PNCK: variants seen among roughly 807,000 people sequenced by gnomAD.
PNCK encodes pregnancy up-regulated nonubiquitous CaM kinase, also known as calcium/calmodulin-dependent protein kinase type 1B.
In PNCK, 21 loss-of-function variants were observed where a neutral mutation model predicts 28.3. That is an observed-to-expected ratio of 0.74 (90% CI 0.53 to 1.07). The LOEUF (loss-of-function observed/expected upper bound fraction) is 1.07, where lower values mean the gene tolerates loss of function less well. Among genes scored for constraint, PNCK ranks in the 50% least tolerant of loss-of-function variants. The pLI is 0.00. For missense variants in PNCK, 250 were observed against 298.3 expected (o/e 0.84, Z 1.19); for synonymous variants, 136 against 125.2 (o/e 1.09, Z -0.58).
At chrX:153,672,309 A>G in intron 3 of PNCK, 109 bp from the exon 4 acceptor site, 2 of 910,810 alleles carry the variant, frequency 2.2e-6, no homozygotes, top group Non-Finnish European at 3.0e-6. Context: ...TCTGCTCCCC[A>G]TTCCCTACCA....
chrX:153,680,435 T>C (rs1261264771), intron 1 of PNCK, among the ~76,000 whole-genome samples: 2 of 108,887 alleles, frequency 1.8e-5, no homozygotes, highest in African/African-American at 3.4e-5. Context: ...CCACCATGAA[T>C]GGAAGCTTCC....
At chrX:153,687,531 G>A (rs1373712950) in exon 1 of PNCK, 4 of 322,561 alleles carry the variant, frequency 1.2e-5, no homozygotes, top group Admixed American at 9.5e-5. Context: ...GGAGCACCGG[G>A]AGGAGACGGC....
Position 153,670,726 on chromosome X carries a change from G to T in PNCK, c.894+18C>A, listed in dbSNP as rs781917171. 8 of 1,188,485 alleles carry T rather than the reference G, an allele frequency of 6.7e-6. No homozygotes were observed. In the South Asian group the frequency reaches 1.3e-4, roughly 20 times the overall value. On this transcript the variant is annotated intron_variant, in intron 10 of 11. Transcript: ENST00000340888. ...GGGGTGCGGCGGGCGACCACACTGG[G>T]TCTCTCTCCACACTGACCTTCCAGT...
chrX:153,672,280 C>A, intron 3 of PNCK, 80 bp from the exon 4 acceptor site: 1 of 1,009,479 alleles, frequency 9.9e-7, no homozygotes, highest in Non-Finnish European at 1.3e-6. Flanking sequence ...AGCCTCCTCC[C>A]TCTTCTCTTC....
At chrX:153,677,663 ATATATATATAGTGTGTATATATAGTG>A (rs1487527606), upstream of PNCK, among the ~76,000 whole-genome samples, 9,841 of 96,647 alleles carry the variant, frequency 0.1, 462 homozygotes, top group South Asian at 0.14. Flanking sequence ...TATAGTGTGT[ATATATATATAGTGTGTATATATAGTG>A]TATATATAGT....
At position 153,672,591 on chromosome X, in the gene PNCK, C is replaced by A; in HGVS notation, c.175G>T (p.Glu59Ter). The A allele has an allele frequency of 8.3e-7, 1 of 1,207,790 alleles. No homozygotes were observed. The highest frequency in any genetic ancestry group is 1.1e-6 in the Non-Finnish European group (1 of 895,450). The stretch of plus-strand genomic sequence containing the variant: ...CTACGGAGCACTGCGATCTCGTTCT[C>A]CACCAGGGCCTCCTTGCCCCGGAGG... ...KALRGKEALV[E>*]NEIAVLRRIS... The change falls in exon 3 of 12, where the codon GAG becomes TAG. Residue 59 changes from glutamate (E) to a stop codon, truncating the protein, a stop_gained. Coordinates refer to ENST00000340888, the MANE Select transcript of PNCK (RefSeq NM_001366977.1). LOFTEE classifies it high-confidence loss of function.
intron 1 of PNCK, among the ~76,000 whole-genome samples, chrX:153,684,937 G>C (rs2091411737): frequency 1.9e-5 from 2 of 103,507 alleles, no homozygotes; most frequent in South Asian, 9.6e-4. Context: ...ACACGGTAAG[G>C]GGAGGGTGCA....
chrX:153,670,481 A>C lies in PNCK; in HGVS notation c.1008T>G (p.Arg336=). 1 of 1,211,414 alleles carries C rather than the reference A, an allele frequency of 8.3e-7. No individual in the cohort carries two copies. Among genetic ancestry groups the C allele is most frequent in the Non-Finnish European group, 1.1e-6 (1 of 895,447 alleles). ...GMARHSHSGL[R]AGQPPKW ...ATCACCACTTGGGGGGCTGGCCAGC[A>C]CGGAGGCCTGAGTGGCTGTGGCGGG... Residue 336 remains arginine, a synonymous_variant, in exon 11 of 12, where the codon CGT becomes CGG. Transcript: ENST00000340888.
At chrX:153,682,350 G>A (rs1226155072) in intron 1 of PNCK, among the ~76,000 whole-genome samples, 4 of 111,752 alleles carry the variant, frequency 3.6e-5, no homozygotes, top group African/African-American at 9.8e-5. Flanking sequence ...GTACAATCAC[G>A]GCTCACGGCA....
Position 153,669,897 on chromosome X carries a change from CG to C in PNCK, c.*240del, listed in dbSNP as rs782365996. 1.6e-4 allele frequency: 53 copies of C among 336,553 alleles called. No homozygotes were observed. In the East Asian group the frequency reaches 2.6e-3, roughly 16 times the overall value. 27.7% of individuals were successfully genotyped at this position (336,553 alleles called of 1,213,427 possible). ...AGCACCCCCTCGGCTTTTGGCGGGG[CG>C]GGGGGGGCAGGGGCGGGAGAGGCAA... On this transcript the variant is annotated 3_prime_UTR_variant, in exon 12 of 12. Transcript: ENST00000340888.
rs1312208248 is a variant in PNCK, at chrX:153,673,787, G to T, written c.-10C>A. On this transcript the variant is annotated 5_prime_UTR_variant, in exon 1 of 12. Coordinates refer to ENST00000340888, the MANE Select transcript of PNCK (RefSeq NM_001366977.1). ...CCCGGAGCAGGTGCAGACCTGGAGC[G>T]GGTGCCGCAGCGTCGTGCCGCGCAG... is the stretch of plus-strand genomic sequence containing the variant. 2 of 747,911 alleles carry T rather than the reference G, an allele frequency of 2.7e-6. No homozygotes were observed. Among genetic ancestry groups the T allele is most frequent in the Non-Finnish European group, 3.1e-6 (2 of 636,137 alleles). The allele number at this position is 747,911 out of a possible 1,213,427, so 61.6% of individuals were successfully genotyped here.
At chrX:153,674,019 C>A (rs781973859), upstream of PNCK, 1 of 1,188,063 alleles carries the variant, frequency 8.4e-7, no homozygotes, top group South Asian at 1.8e-5. Context: ...AGCTGCGGCC[C>A]GGCTGGGCCG....
chrX:153,675,699 T>C (rs1446138225), upstream of PNCK, among the ~76,000 whole-genome samples: 1 of 110,779 alleles, frequency 9.0e-6, no homozygotes, highest in Non-Finnish European at 1.9e-5. Flanking sequence ...CTAATTTTTG[T>C]ATTTTTAGTA....
Position 153,671,635 on chromosome X carries a change from G to A in PNCK, c.452C>T (p.Ser151Leu). The A allele has an allele frequency of 5.0e-6, 6 of 1,201,936 alleles. No homozygotes were observed. Among genetic ancestry groups the A allele is most frequent in the Non-Finnish European group, 5.6e-6 (5 of 890,620 alleles). ...NLLYATPFED[S>L]KIMVSDFGLS... ...TCCAAAGTCAGAGACCATGATCTTC[G>A]AGTCCTCAAAGGGCGTGGCATACAG... Residue 151 changes from serine to leucine, a missense_variant, in exon 6 of 12, where the codon TCG becomes TTG. Ser to Leu is a moderately radical substitution (Grantham distance 145). Coordinates refer to ENST00000340888, the MANE Select transcript of PNCK (RefSeq NM_001366977.1).
At chrX:153,673,205 C>T in intron 1 of PNCK, 127 bp from the exon 2 acceptor site, 1 of 1,190,404 alleles carries the variant, frequency 8.4e-7, no homozygotes, top group South Asian at 1.9e-5. Context: ...CCTCCCCTCC[C>T]CCGTCCAGGT....
intron 1 of PNCK, 106 bp from the exon 2 acceptor site, chrX:153,673,184 G>A (rs368045343): frequency 2.5e-5 from 29 of 1,179,060 alleles, no homozygotes; most frequent in African/African-American, 5.4e-5. Flanking sequence ...CATTGCCGCT[G>A]CGCGCTCGAC....
At chrX:153,673,232 A>T in intron 1 of PNCK, 154 bp from the exon 2 acceptor site, 1 of 1,190,733 alleles carries the variant, frequency 8.4e-7, no homozygotes, top group Non-Finnish European at 1.1e-6. Context: ...CCCCAGACGG[A>T]CGCCTCCCAG....
intron 3 of PNCK, 44 bp downstream of exon 3, chrX:153,672,522 C>A (rs782053032): frequency 8.4e-7 from 1 of 1,187,076 alleles, no homozygotes; most frequent in South Asian, 1.8e-5. Flanking sequence ...CTTGCACCCC[C>A]CCATCGACCT....
Position 153,685,030 on chromosome X carries a change from G to A in PNCK, c.-3+2401C>T, listed in dbSNP as rs2091412573. ...CCAGAAGCCACCATAGGAGCTCTGG[G>A]CTGGGCACAGGTCGCAGGGCACCCC... is the stretch of plus-strand genomic sequence containing the variant. On this transcript the variant is annotated intron_variant, in intron 1 of 3. Transcript: ENST00000419804. Among the ~76,000 whole-genome samples the A allele has an allele frequency of 3.9e-5, 4 of 103,016 alleles. No homozygotes were observed. The Admixed American group carries it at 4.1e-4, about 11-fold the overall frequency. The allele number at this position is 103,016 out of a possible 115,157, so 89.5% of individuals were successfully genotyped here.
Sources: gnomAD v4.1 joint callset for allele counts (sites outside exome capture counted in the v4.1 genomes callset) on GRCh38, gnomAD v4.1.1 for gene constraint, MANE v1.5 for transcripts, NCBI Gene and HGNC (gene_info 2026-07-23, HGNC 2026-07-21) for gene names.